RPS15A: variants seen among roughly 807,000 people sequenced by gnomAD.
The protein encoded by RPS15A is small ribosomal subunit protein uS8.
For missense variants in RPS15A, 62 were observed against 163.4 expected (o/e 0.38, Z 3.38); for synonymous variants, 55 against 58.5 (o/e 0.94, Z 0.27).
chr16:18,783,909 C>A (rs923408681), intron 4 of RPS15A: 1 of 345,358 alleles, frequency 2.9e-6, no homozygotes, highest in African/African-American at 2.1e-5. Context: ...GACAAAGACT[C>A]CCAAACTAAG....
intron 1 of RPS15A, 186 bp downstream of exon 1, chr16:18,790,058 G>A (rs1399026268): frequency 6.6e-6 from 1 of 152,462 alleles, no homozygotes; most frequent in Non-Finnish European, 1.5e-5. Context: ...CTACCGCCTA[G>A]CTGGGCAGTC....
intron 4 of RPS15A, chr16:18,783,472 T>A: frequency 2.8e-6 from 1 of 355,408 alleles, no homozygotes; most frequent in Non-Finnish European, 5.5e-6. Context: ...TTCTGCCATG[T>A]ACTGTATAAT....
intron 3 of RPS15A, 91 bp from the exon 4 acceptor site, chr16:18,784,914 T>C: frequency 5.8e-6 from 6 of 1,027,938 alleles, no homozygotes; most frequent in Non-Finnish European, 8.8e-6. Flanking sequence ...AAATAAACAG[T>C]CCTCCAAACC....
In RPS15A at chr16:18,788,161, T is replaced by C; in HGVS notation, c.134-19A>G. ...ATGTAACCTACAAAAGATAACTGAC[T>C]GGATTAAATAAAAGACATCAACTTG... is the stretch of plus-strand genomic sequence containing the variant. On this transcript the variant is annotated intron_variant, in intron 2 of 4. Transcript: ENST00000322989. 6.6e-7 allele frequency: 1 copy of C among 1,514,206 alleles called. No homozygotes were observed. Among genetic ancestry groups the C allele is most frequent in the Non-Finnish European group, 9.2e-7 (1 of 1,090,498 alleles). 93.8% of individuals were successfully genotyped at this position (1,514,206 alleles called of 1,614,324 possible). A position where few individuals can be genotyped will look rare whatever the true frequency, so the allele number is the denominator to read the frequency against.
intron 4 of RPS15A, chr16:18,784,026 C>T (rs182065375): frequency 6.7e-4 from 137 of 204,208 alleles, no homozygotes; most frequent in African/African-American, 3.0e-3. Flanking sequence ...ACACGACCCC[C>T]CTTTTCTGCC....
chr16:18,789,746 A>T (rs1427273540), intron 1 of RPS15A, among the ~76,000 whole-genome samples: 2 of 152,232 alleles, frequency 1.3e-5, no homozygotes, highest in Non-Finnish European at 2.9e-5. Flanking sequence ...ACCGCACACT[A>T]CACTGAAGTT....
chr16:18,783,578 T>C (rs1903998876), intron 4 of RPS15A: 1 of 446,496 alleles, frequency 2.2e-6, no homozygotes, highest in Admixed American at 2.4e-5. Flanking sequence ...AGTATGCAAA[T>C]GTGCGGCATT....
intron 4 of RPS15A, chr16:18,784,523 G>T: frequency 2.0e-6 from 1 of 488,078 alleles, no homozygotes; most frequent in South Asian, 2.6e-5. Context: ...TAGGATCACA[G>T]GCGTGAGCCA....
Position 18,782,087 on chromosome 16 carries a change from AG to A in RPS15A, c.*921del, listed in dbSNP as rs1405554872. 2 of 121,570 alleles carry A rather than the reference AG, an allele frequency of 1.6e-5. No individual in the cohort carries two copies. Among genetic ancestry groups the A allele is most frequent in the African/African-American group, 3.0e-5 (1 of 33,504 alleles). 7.5% of individuals were successfully genotyped at this position (121,570 alleles called of 1,614,324 possible). On this transcript the variant is annotated 3_prime_UTR_variant, in exon 5 of 5. Coordinates refer to ENST00000322989, the MANE Select transcript of RPS15A (RefSeq NM_001019.5). ...CAAGGCAGGCAGATCACTTGAGATC[AG>A]GAGTTCGAGACCAGCCTGGCCAACA...
Position 18,788,157 on chromosome 16 carries a change from T to A in RPS15A, c.134-15A>T. On this transcript the variant is annotated splice_polypyrimidine_tract_variant and intron_variant, in intron 2 of 4. Coordinates refer to ENST00000322989, the MANE Select transcript of RPS15A (RefSeq NM_001019.5). The stretch of plus-strand genomic sequence containing the variant: ...GCCAATGTAACCTACAAAAGATAAC[T>A]GACTGGATTAAATAAAAGACATCAA... 6.5e-7 allele frequency: 1 copy of A among 1,539,470 alleles called. No individual in the cohort carries two copies. Among genetic ancestry groups the A allele is most frequent in the Non-Finnish European group, 9.0e-7 (1 of 1,113,292 alleles).
In RPS15A at chr16:18,782,717, G is replaced by A. The variant is rs929873352; in HGVS notation, c.*292C>T. On this transcript the variant is annotated 3_prime_UTR_variant, in exon 5 of 5. Transcript: ENST00000322989. ...AGCCTGAGCAATAGAGTCAGACTCT[G>A]TCTCCAAAAAAGAAAAAAAAAAAAA... 1 of 218,488 alleles carries A rather than the reference G, an allele frequency of 4.6e-6. No homozygotes were observed. Among genetic ancestry groups the A allele is most frequent in the African/African-American group, 2.6e-5 (1 of 38,132 alleles). 13.5% of individuals were successfully genotyped at this position (218,488 alleles called of 1,614,324 possible).
chr16:18,783,325 C>T (rs1374802651), intron 4 of RPS15A: 2 of 533,504 alleles, frequency 3.7e-6, no homozygotes, highest in African/African-American at 1.9e-5. Flanking sequence ...AATCACACAG[C>T]CCTGACTTCT....
At chr16:18,784,687 C>T in intron 4 of RPS15A, 51 bp downstream of exon 4, 1 of 1,388,358 alleles carries the variant, frequency 7.2e-7, no homozygotes, top group South Asian at 1.2e-5. Flanking sequence ...CAAACTGCAC[C>T]ACAGAAATTC....
At chr16:18,785,302 A>G (rs1032650757) in intron 3 of RPS15A, 4 of 152,558 alleles carry the variant, frequency 2.6e-5, no homozygotes, top group Non-Finnish European at 4.4e-5. Context: ...CCAATGAAGT[A>G]CCGTTACATA....
chr16:18,789,261 T>G (rs753163042), intron 1 of RPS15A, 143 bp from the exon 2 acceptor site: 1 of 716,914 alleles, frequency 1.4e-6, no homozygotes, highest in African/African-American at 1.8e-5. Context: ...GCTTCTCCAT[T>G]TCCCACCACC....
Position 18,782,679 on chromosome 16 carries a change from G to A in RPS15A, c.*330C>T, listed in dbSNP as rs941621574. ...GGAGGTTGCAGTGGGCCAAGATCGC[G>A]CCACTGCACTCCAGCCTGAGCAATA... On this transcript the variant is annotated 3_prime_UTR_variant, in exon 5 of 5. Transcript: ENST00000322989. 73 of 167,722 alleles carry A rather than the reference G, an allele frequency of 4.4e-4. No homozygotes were observed. Among genetic ancestry groups the A allele is most frequent in the Admixed American group, 1.6e-3 (26 of 16,314 alleles). The allele number at this position is 167,722 out of a possible 1,614,324, so 10.4% of individuals were successfully genotyped here. A position where few individuals can be genotyped will look rare whatever the true frequency, so the allele number is the denominator to read the frequency against.
chr16:18,788,813 T>C, intron 2 of RPS15A, 168 bp downstream of exon 2: 1 of 658,106 alleles, frequency 1.5e-6, no homozygotes, highest in Admixed American at 3.2e-5. Context: ...CTACTCTAAG[T>C]GACTCTTCAG....
In RPS15A at chr16:18,788,146, C is replaced by A. The variant is rs768107583; in HGVS notation, c.134-4G>T. The A allele has an allele frequency of 2.8e-5, 45 of 1,582,392 alleles. No individual in the cohort carries two copies. On this transcript the variant is annotated splice_region_variant and splice_polypyrimidine_tract_variant and intron_variant, in intron 2 of 4. Coordinates refer to ENST00000322989, the MANE Select transcript of RPS15A (RefSeq NM_001019.5). ...ATTTCAAATTCGCCAATGTAACCTA[C>A]AAAAGATAACTGACTGGATTAAATA...
intron 3 of RPS15A, chr16:18,785,916 A>C (rs902077228): frequency 1.3e-5 from 2 of 152,104 alleles, no homozygotes; most frequent in Non-Finnish European, 2.9e-5. Context: ...CCCTCCCCCA[A>C]CCCAGAAGAA....
Sources: allele counts gnomAD v4.1 joint callset (sites outside exome capture counted in the v4.1 genomes callset), GRCh38; gene constraint gnomAD v4.1.1; transcripts MANE v1.5; gene names NCBI Gene and HGNC (gene_info 2026-07-23, HGNC 2026-07-21).